MLLT10: variants seen among roughly 807,000 people sequenced by gnomAD.
The protein encoded by MLLT10 is MLLT10 histone lysine methyltransferase DOT1L cofactor, also known as protein AF-10.
In MLLT10, 30 loss-of-function variants were observed where a neutral mutation model predicts 129.1. The ratio of observed to expected loss-of-function variants is 0.23; its 90% CI spans 0.17 to 0.32. The LOEUF (loss-of-function observed/expected upper bound fraction) is 0.32, where lower values mean the gene tolerates loss of function less well. Ranked by LOEUF, MLLT10 falls within the 10% of genes least tolerant of loss-of-function variation. MLLT10 has a pLI of 1.00. For missense variants in MLLT10, 1,119 were observed against 1,268.3 expected (o/e 0.88, Z 1.79); for synonymous variants, 490 against 446.4 (o/e 1.10, Z -1.23).
intron 4 of MLLT10, among the ~76,000 whole-genome samples, chr10:21,591,143 C>T (rs2042449880): frequency 1.3e-5 from 2 of 152,028 alleles, no homozygotes; most frequent in South Asian, 2.1e-4. Flanking sequence ...GTGAAGCCTC[C>T]ACCTCCTGGG....
chr10:21,623,166 G>A (rs2046067877), intron 8 of MLLT10, among the ~76,000 whole-genome samples: 4 of 152,254 alleles, frequency 2.6e-5, no homozygotes, highest in Non-Finnish European at 5.9e-5. Flanking sequence ...TTTTTCTGGA[G>A]GTTTCCCATT....
At chr10:21,675,706 G>T (rs1474697606) in intron 11 of MLLT10, among the ~76,000 whole-genome samples, 1 of 152,146 alleles carries the variant, frequency 6.6e-6, no homozygotes, top group East Asian at 1.9e-4. Context: ...TCAATCACAT[G>T]AGTACCTTAC....
chr10:21,717,128 C>T (rs570566529), intron 14 of MLLT10, among the ~76,000 whole-genome samples: 1 of 151,620 alleles, frequency 6.6e-6, no homozygotes, highest in Non-Finnish European at 1.5e-5. Context: ...TGGTGCATGC[C>T]TGTAATCCCA....
intron 3 of MLLT10, chr10:21,552,026 A>G (rs1304677531): frequency 8.4e-6 from 2 of 238,620 alleles, no homozygotes; most frequent in Non-Finnish European, 1.7e-5. Flanking sequence ...TTCTGACCTC[A>G]GGTCATCCTC....
chr10:21,570,798 CT>C (rs1331393565), intron 3 of MLLT10, among the ~76,000 whole-genome samples: 2 of 152,008 alleles, frequency 1.3e-5, no homozygotes, highest in African/African-American at 4.8e-5. Context: ...TGCTAATTCT[CT>C]TTTCTGTTTC....
At chr10:21,713,718 CTG>C in intron 13 of MLLT10, 52 bp from the exon 14 acceptor site, 1 of 1,501,352 alleles carries the variant, frequency 6.7e-7, no homozygotes, top group Non-Finnish European at 9.1e-7. Context: ...TTATGTGTGT[CTG>C]TGACAAATTT....
intron 8 of MLLT10, among the ~76,000 whole-genome samples, chr10:21,640,183 ATAT>A (rs1036765894): frequency 6.9e-5 from 10 of 144,794 alleles, no homozygotes; most frequent in African/African-American, 1.8e-4. Flanking sequence ...ATAATATCAA[ATAT>A]TATTATATAA....
At chr10:21,554,966 C>G (rs182786621) in intron 3 of MLLT10, among the ~76,000 whole-genome samples, 5 of 151,646 alleles carry the variant, frequency 3.3e-5, no homozygotes, top group Non-Finnish European at 7.4e-5. Flanking sequence ...GGATGACAGG[C>G]GCACGCCACC....
intron 3 of MLLT10, among the ~76,000 whole-genome samples, chr10:21,576,811 A>G (rs2040814273): frequency 1.3e-5 from 2 of 151,694 alleles, no homozygotes; most frequent in African/African-American, 4.8e-5. Context: ...TTGTATTTTT[A>G]GTAGAAATGG....
rs748712811 is a variant in MLLT10 at position 21,673,340 on chromosome 10, TA to T, written c.1052-7del. ...CAACTTTTTTTTTTTTTTTTTTTTTTAAACTACAGGCAGTTTTTCAGGAACT... is the reference window on the plus strand; with the variant it reads ...CAACTTTTTTTTTTTTTTTTTTTTTTAACTACAGGCAGTTTTTCAGGAACT... On this transcript the variant is annotated splice_polypyrimidine_tract_variant and intron_variant, in intron 10 of 22. Coordinates refer to ENST00000307729, the MANE Select transcript of MLLT10 (RefSeq NM_001195626.3). 13 of 617,526 alleles carry T rather than the reference TA, an allele frequency of 2.1e-5. No homozygotes were observed. Among genetic ancestry groups the T allele is most frequent in the Non-Finnish European group, 4.5e-6 (2 of 445,700 alleles). 38.3% of individuals were successfully genotyped at this position (617,526 alleles called of 1,614,324 possible).
chr10:21,547,685 C>T (rs1174720609), intron 3 of MLLT10, among the ~76,000 whole-genome samples: 1 of 151,816 alleles, frequency 6.6e-6, no homozygotes, highest in Non-Finnish European at 1.5e-5. Context: ...ACTACAGGCA[C>T]ATGCCACCTT....
chr10:21,626,522 A>G (rs528488099), intron 8 of MLLT10, among the ~76,000 whole-genome samples: 2 of 152,270 alleles, frequency 1.3e-5, no homozygotes, highest in East Asian at 3.9e-4. Context: ...GCATTAATAC[A>G]TTCATGAGGG....
intron 14 of MLLT10, among the ~76,000 whole-genome samples, chr10:21,717,207 C>G (rs1386155629): frequency 7.2e-6 from 1 of 138,302 alleles, no homozygotes; most frequent in Non-Finnish European, 1.5e-5. Context: ...GAGCCAAGAT[C>G]ACGCCATTGC....
chr10:21,607,449 T>C (rs2044175114), intron 5 of MLLT10, among the ~76,000 whole-genome samples: 1 of 151,580 alleles, frequency 6.6e-6, no homozygotes, highest in Admixed American at 6.6e-5. Context: ...GCCTCCTGAG[T>C]AGCTGGGATT....
intron 3 of MLLT10, among the ~76,000 whole-genome samples, chr10:21,582,345 C>T (rs931208984): frequency 3.3e-5 from 5 of 152,048 alleles, no homozygotes; most frequent in Middle Eastern, 3.2e-3. Flanking sequence ...GTCTCGAACT[C>T]CTGACCTCAG....
intron 13 of MLLT10, among the ~76,000 whole-genome samples, chr10:21,695,512 A>G (rs1258835217): frequency 6.6e-6 from 1 of 152,140 alleles, no homozygotes; most frequent in African/African-American, 2.4e-5. Flanking sequence ...TTTTTTATAT[A>G]GAGTGTTCTT....
At chr10:21,727,975 G>C in intron 16 of MLLT10, 47 bp downstream of exon 16, 3 of 1,543,328 alleles carry the variant, frequency 1.9e-6, no homozygotes, top group Non-Finnish European at 2.7e-6. Context: ...AAACGTTTGA[G>C]ATTTGGAAAC....
At position 21,733,581 on chromosome 10, in the gene MLLT10, G is replaced by A. The variant is rs2058120949; in HGVS notation, c.2485G>A (p.Val829Ile). 1.3e-6 allele frequency: 2 copies of A among 1,561,758 alleles called. No homozygotes were observed. Among genetic ancestry groups the A allele is most frequent in the Non-Finnish European group, 1.7e-6 (2 of 1,157,322 alleles). Reference protein sequence around the residue: ...NSFLPDNSLPVLNQDLTSSGQ... With the variant: ...NSFLPDNSLPILNQDLTSSGQ... The stretch of plus-strand genomic sequence containing the variant: ...CTTTTTACCTGATAATTCTCTTCCT[G>A]TATTAAATCAGGTAATTTTTGTATG... Residue 829 changes from valine (V) to isoleucine (I), a missense_variant, in exon 19 of 23, where the codon GTA becomes ATA. This residue lies in a region of MLLT10 where 1,004 missense variants were observed against 1,008.7 expected (regional missense o/e 1.00). Coordinates refer to ENST00000307729, the MANE Select transcript of MLLT10 (RefSeq NM_001195626.3).
At chr10:21,543,525 T>G (rs2035568271) in intron 3 of MLLT10, among the ~76,000 whole-genome samples, 1 of 151,216 alleles carries the variant, frequency 6.6e-6, no homozygotes, top group Non-Finnish European at 1.5e-5. Flanking sequence ...TTGCCCAGGC[T>G]TGGAGTGCAG....
Sources: allele counts gnomAD v4.1 joint callset (sites outside exome capture counted in the v4.1 genomes callset), GRCh38; gene constraint gnomAD v4.1.1; regional missense constraint gnomAD v4.1.1; transcripts MANE v1.5; gene names NCBI Gene and HGNC (gene_info 2026-07-23, HGNC 2026-07-21).